The following OPCML variants were observed in gnomAD, a reference collection of about 807,000 sequenced individuals.
The protein encoded by OPCML is opioid-binding protein/cell adhesion molecule.
Under a neutral mutation model 37.8 loss-of-function variants are expected in OPCML, and 13 were observed. That is an observed-to-expected ratio of 0.34 (90% CI 0.22 to 0.55). The LOEUF is 0.55. OPCML is among the 20% of genes least tolerant of loss of function. OPCML has a pLI of 0.91. For synonymous variants in OPCML, 176 were observed against 168.8 expected (o/e 1.04, Z -0.33); for missense variants, 341 against 435.6 (o/e 0.78, Z 1.93).
chr11:133,280,293 A>G (rs1480675430), intron 1 of OPCML, among the ~76,000 whole-genome samples: 2 of 152,218 alleles, frequency 1.3e-5, no homozygotes, highest in East Asian at 3.8e-4. Context: ...TGATCTTAGA[A>G]GTATTTGTGG....
intron 2 of OPCML, among the ~76,000 whole-genome samples, chr11:132,942,296 C>T (rs148062722): frequency 1.8e-4 from 27 of 152,324 alleles, no homozygotes; most frequent in African/African-American, 5.8e-4. Flanking sequence ...TTGTGCTTTT[C>T]ACACAGAAGT....
intron 1 of OPCML, among the ~76,000 whole-genome samples, chr11:133,399,867 A>T (rs904414078): frequency 4.7e-5 from 7 of 147,642 alleles, no homozygotes; most frequent in Non-Finnish European, 8.9e-5. Flanking sequence ...TATATATATT[A>T]TATATATATA....
At chr11:133,246,134 T>A (rs569090435) in intron 1 of OPCML, among the ~76,000 whole-genome samples, 53 of 152,182 alleles carry the variant, frequency 3.5e-4, no homozygotes, top group African/African-American at 1.1e-3. Context: ...TTAAAAAAAA[T>A]TAAAAAGAAG....
rs762212897 is a variant in OPCML, at chr11:133,411,609, A to AGCT, written c.61+120652_61+120654dup. On this transcript the variant is annotated intron_variant, in intron 1 of 7. Coordinates refer to ENST00000524381, the MANE Select transcript of OPCML (RefSeq NM_001012393.5). ...TAGAAGCAGTCTTCATGGCTTTCTC[A>AGCT]GCTGCAGCTTCAAGTGCTCCCAGGC... is the stretch of plus-strand genomic sequence containing the variant. Among the ~76,000 whole-genome samples the AGCT allele has an allele frequency of 9.2e-5, 14 of 152,222 alleles. No homozygotes were observed. The South Asian group carries it at 1.7e-3, about 18-fold the overall frequency.
chr11:133,422,300 G>T lies in OPCML; in HGVS notation c.61+109964C>A, dbSNP rs532280823. ...TCACCACTAAACACGAAGATATGGG[G>T]CAAGAATTCCATAATTCTTTTTCTA... On this transcript the variant is annotated intron_variant, in intron 1 of 7. Transcript: ENST00000524381. 9.1e-6 allele frequency: 9 copies of T among 983,788 alleles called. No individual in the cohort carries two copies. The African/African-American group carries it at 1.4e-4, about 16-fold the overall frequency. The allele number at this position is 983,788 out of a possible 1,614,324, so 60.9% of individuals were successfully genotyped here.
At chr11:133,198,800 C>T (rs1373560679) in intron 1 of OPCML, among the ~76,000 whole-genome samples, 1 of 152,202 alleles carries the variant, frequency 6.6e-6, no homozygotes, top group East Asian at 1.9e-4. Context: ...CTGGCAGAGG[C>T]TGCTTGAATG....
At chr11:132,761,229 C>CTT (rs71067393) in intron 2 of OPCML, among the ~76,000 whole-genome samples, 6,350 of 122,474 alleles carry the variant, frequency 0.052, 215 homozygotes, top group Non-Finnish European at 0.079. Context: ...CTGCGCTTAA[C>CTT]TTTTTTTTTT....
At chr11:133,373,315 C>T (rs1944717015) in intron 1 of OPCML, among the ~76,000 whole-genome samples, 1 of 151,394 alleles carries the variant, frequency 6.6e-6, no homozygotes, top group South Asian at 2.1e-4. Context: ...GTAATAGCAA[C>T]ACTTTGGGAG....
intron 1 of OPCML, among the ~76,000 whole-genome samples, chr11:133,316,039 AG>A (rs1196346166): frequency 1.3e-5 from 2 of 152,180 alleles, no homozygotes; most frequent in African/African-American, 4.8e-5. Context: ...ATCTCCAGAT[AG>A]TAAGAAATGC....
At chr11:132,871,117 C>T (rs1942778271) in intron 2 of OPCML, among the ~76,000 whole-genome samples, 2 of 151,882 alleles carry the variant, frequency 1.3e-5, no homozygotes, top group Admixed American at 6.6e-5. Context: ...TCAATTTAGC[C>T]ATTCCACAAT....
chr11:132,703,127 G>C (rs1324003491), intron 2 of OPCML, among the ~76,000 whole-genome samples: 1 of 152,064 alleles, frequency 6.6e-6, no homozygotes, highest in Non-Finnish European at 1.5e-5. Flanking sequence ...TGTGTTGTTA[G>C]GTGATTTTGT....
chr11:132,479,519 C>T (rs1443956223), intron 4 of OPCML, among the ~76,000 whole-genome samples: 2 of 152,232 alleles, frequency 1.3e-5, no homozygotes, highest in African/African-American at 4.8e-5. Context: ...GGGTGGAGCC[C>T]ACCACAGCTC....
chr11:132,688,113 G>A (rs1267983508), intron 2 of OPCML, among the ~76,000 whole-genome samples: 1 of 151,586 alleles, frequency 6.6e-6, no homozygotes, highest in Non-Finnish European at 1.5e-5. Context: ...GCCCTTTTTG[G>A]ATAACAAAAC....
intron 1 of OPCML, among the ~76,000 whole-genome samples, chr11:133,236,421 G>A (rs1321844443): frequency 6.6e-6 from 1 of 152,106 alleles, no homozygotes; most frequent in African/African-American, 2.4e-5. Context: ...TTGACCATGA[G>A]TATCCCAAGT....
At chr11:133,066,654 AGTT>A (rs1198076286) in intron 1 of OPCML, 4 of 153,088 alleles carry the variant, frequency 2.6e-5, no homozygotes, top group African/African-American at 7.2e-5. Context: ...GTCCCTGCGA[AGTT>A]GTTGTTTGTT....
chr11:132,582,964 G>A (rs2096465255), intron 3 of OPCML, among the ~76,000 whole-genome samples: 1 of 149,144 alleles, frequency 6.7e-6, no homozygotes, highest in South Asian at 2.2e-4. Flanking sequence ...TCCTACTTCA[G>A]CCTCCAGAGT....
chr11:132,959,452 G>A (rs1390953437), intron 1 of OPCML, among the ~76,000 whole-genome samples: 1 of 152,230 alleles, frequency 6.6e-6, no homozygotes, highest in Admixed American at 6.5e-5. Context: ...GGCGGGATTT[G>A]AGAGGACTGT....
chr11:132,469,325 T>C (rs1416468254), intron 4 of OPCML, among the ~76,000 whole-genome samples: 1 of 152,158 alleles, frequency 6.6e-6, no homozygotes, highest in Non-Finnish European at 1.5e-5. Flanking sequence ...TTCGTGAGAC[T>C]AGAGCAGAGC....
intron 3 of OPCML, among the ~76,000 whole-genome samples, chr11:132,617,778 A>G (rs1175769831): frequency 1.3e-5 from 2 of 152,218 alleles, no homozygotes; most frequent in African/African-American, 4.8e-5. Flanking sequence ...GCTTACACAC[A>G]TAAAGATCAC....
Sources: gnomAD v4.1 joint callset for allele counts (sites outside exome capture counted in the v4.1 genomes callset) on GRCh38, gnomAD v4.1.1 for gene constraint, MANE v1.5 for transcripts, NCBI Gene and HGNC (gene_info 2026-07-23, HGNC 2026-07-21) for gene names.